ATP1A1: variants seen among roughly 807,000 people sequenced by gnomAD.
ATP1A1 encodes sodium/potassium-transporting ATPase subunit alpha-1.
In ATP1A1, 14 loss-of-function variants were observed where a neutral mutation model predicts 114.8. That is an observed-to-expected ratio of 0.12 (90% CI 0.08 to 0.19). ATP1A1 has a LOEUF of 0.19. ATP1A1 is among the 10% of genes least tolerant of loss of function. ATP1A1 has a pLI of 1.00. For synonymous variants in ATP1A1, 471 were observed against 466.3 expected, an observed-to-expected ratio of 1.01 and a Z score of -0.13; for missense variants, 524 against 1,290.7, an observed-to-expected ratio of 0.41 and a Z score of 9.10.
Position 116,389,078 on chromosome 1 carries a change from AT to A in ATP1A1, c.754+60del. Reference sequence around the variant, plus strand: ...GGTATTTCTCTTGGGCATTAACAAAATCAAAACCATAGGCACAATCTCTTGT... The same window carrying A: ...GGTATTTCTCTTGGGCATTAACAAAACAAAACCATAGGCACAATCTCTTGT... On this transcript the variant is annotated intron_variant, in intron 7 of 22. Coordinates refer to ENST00000295598, the MANE Select transcript of ATP1A1 (RefSeq NM_000701.8). This position sits in a 1 kb window ranked among gnomAD's most constrained non-coding sequence, Gnocchi z 6.9. The A allele has an allele frequency of 7.0e-7, 1 of 1,437,588 alleles. No individual in the cohort carries two copies. Among genetic ancestry groups the A allele is most frequent in the Non-Finnish European group, 9.8e-7 (1 of 1,024,706 alleles). 89.1% of individuals were successfully genotyped at this position (1,437,588 alleles called of 1,614,324 possible).
At chr1:116,392,645 A>T (rs1652558365) in intron 10 of ATP1A1, 1 of 486,584 alleles carries the variant, frequency 2.1e-6, no homozygotes, top group African/African-American at 2.0e-5. Flanking sequence ...GTGGGGAAGG[A>T]CGTTGGGGTT....
In ATP1A1 at chr1:116,390,224, A is replaced by C; in HGVS notation, c.1035A>C (p.Thr345=). ...CTAATATTTTTTAGGTCTGTCTGACACTTACTGCCAAACGCATGGCAAGGA... is the reference window on the plus strand; with the variant it reads ...CTAATATTTTTTAGGTCTGTCTGACCCTTACTGCCAAACGCATGGCAAGGA... ...GLLATVTVCL[T]LTAKRMARKN... The change falls in exon 9 of 23, where the codon ACA becomes ACC. Residue 345 remains threonine (T), a synonymous_variant. Coordinates refer to ENST00000295598, the MANE Select transcript of ATP1A1 (RefSeq NM_000701.8). 6.2e-7 allele frequency: 1 copy of C among 1,614,166 alleles called. No individual in the cohort carries two copies. The highest frequency in any genetic ancestry group is 8.5e-7 in the Non-Finnish European group (1 of 1,180,028).
At position 116,384,730 on chromosome 1, in the gene ATP1A1, A is replaced by AT. The variant is rs1491180344; in HGVS notation, c.124-46dup. On this transcript the variant is annotated intron_variant, in intron 2 of 22. Coordinates refer to ENST00000295598, the MANE Select transcript of ATP1A1 (RefSeq NM_000701.8). The surrounding 1 kb of genome is among the most constrained non-coding windows in gnomAD (Gnocchi z 5.1). Reference sequence around the variant, plus strand: ...AATGAATAATGCTATTTTTTCTGTCATTTTTTTATACTACACTGTTTAACT... The same window carrying AT: ...AATGAATAATGCTATTTTTTCTGTCATTTTTTTTATACTACACTGTTTAACT... 4 of 1,477,014 alleles carry AT rather than the reference A, an allele frequency of 2.7e-6. No homozygotes were observed. Among genetic ancestry groups the AT allele is most frequent in the Non-Finnish European group, 3.7e-6 (4 of 1,082,598 alleles). 91.5% of individuals were successfully genotyped at this position (1,477,014 alleles called of 1,614,324 possible). A position where few individuals can be genotyped will look rare whatever the true frequency, so the allele number is the denominator to read the frequency against.
In ATP1A1 at chr1:116,401,246, C is replaced by T. The variant is rs1188241763; in HGVS notation, c.2835C>T (p.Phe945=). ...GTAAGACCAGGAGGAATTCGGTCTT[C>T]CAGCAGGGGATGAAGTAAGTAATGA... ...VICKTRRNSV[F]QQGMKNKILI... The change falls in exon 20 of 23, where the codon TTC becomes TTT. Residue 945 remains phenylalanine, a synonymous_variant. Coordinates refer to ENST00000295598, the MANE Select transcript of ATP1A1 (RefSeq NM_000701.8). The surrounding 1 kb of genome is among the most constrained non-coding windows in gnomAD (Gnocchi z 4.7). 1.2e-6 allele frequency: 2 copies of T among 1,614,048 alleles called. No homozygotes were observed. The highest frequency in any genetic ancestry group is 1.7e-6 in the Non-Finnish European group (2 of 1,180,030).
chr1:116,399,628 A>G lies in ATP1A1; in HGVS notation c.2572+85A>G. 1 of 1,571,946 alleles carries G rather than the reference A, an allele frequency of 6.4e-7. No homozygotes were observed. Among genetic ancestry groups the G allele is most frequent in the Non-Finnish European group, 8.6e-7 (1 of 1,156,136 alleles). On this transcript the variant is annotated intron_variant, in intron 18 of 22. Transcript: ENST00000295598. The surrounding 1 kb of genome is among the most constrained non-coding windows in gnomAD (Gnocchi z 5.0). Reference sequence around the variant, plus strand: ...CACCTCAGGTTGAGGTTGATTTCAGAGACTGCAAATCCAGGCGACTTTCAG... The same window carrying G: ...CACCTCAGGTTGAGGTTGATTTCAGGGACTGCAAATCCAGGCGACTTTCAG...
chr1:116,374,223 C>T lies in ATP1A1; in HGVS notation c.12+700C>T, dbSNP rs1175524532. ...TGCCAGAAAGGGTGTGTCTTCACTG[C>T]CCTAAGATGGCCTTTAAGGTATACT... On this transcript the variant is annotated intron_variant, in intron 1 of 22. Coordinates refer to ENST00000295598, the MANE Select transcript of ATP1A1 (RefSeq NM_000701.8). The T allele has an allele frequency of 1.0e-5, 16 of 1,551,412 alleles. No homozygotes were observed. The South Asian group carries it at 1.7e-4, about 16-fold the overall frequency.
intron 1 of ATP1A1, among the ~76,000 whole-genome samples, 190 bp downstream of exon 1, chr1:116,373,713 G>C (rs992994819): frequency 4.0e-5 from 6 of 150,808 alleles, no homozygotes; most frequent in African/African-American, 1.2e-4. Flanking sequence ...GTAACGGGGG[G>C]CGGGGGAAGG....
chr1:116,388,094 T>G lies in ATP1A1; in HGVS notation c.388-37T>G. 7.2e-7 allele frequency: 1 copy of G among 1,390,666 alleles called. No homozygotes were observed. Among genetic ancestry groups the G allele is most frequent in the Non-Finnish European group, 1.0e-6 (1 of 987,192 alleles). The allele number at this position is 1,390,666 out of a possible 1,614,324, so 86.1% of individuals were successfully genotyped here. A position where few individuals can be genotyped will look rare whatever the true frequency, so the allele number is the denominator to read the frequency against. On this transcript the variant is annotated intron_variant, in intron 4 of 22. Transcript: ENST00000295598. The surrounding 1 kb of genome is among the most constrained non-coding windows in gnomAD (Gnocchi z 5.6). ...TAATTGAATGTCCCTAATTATTGTG[T>G]AGAGCCACGGGCCCTAACTTGTCTT...
intron 8 of ATP1A1, 199 bp from the exon 9 acceptor site, chr1:116,390,014 T>A (rs1652340637): frequency 1.5e-6 from 1 of 675,230 alleles, no homozygotes; most frequent in Non-Finnish European, 2.5e-6. Context: ...ATCCTGTTAT[T>A]ATTTTTCTTA....
chr1:116,390,649 T>G, intron 9 of ATP1A1, 133 bp from the exon 10 acceptor site: 1 of 894,198 alleles, frequency 1.1e-6, no homozygotes, highest in Non-Finnish European at 1.8e-6. Flanking sequence ...ATGCCTAAAA[T>G]GTGATTGGTT....
At position 116,401,507 on chromosome 1, in the gene ATP1A1, C is replaced by A; in HGVS notation, c.2850-47C>A. ...TTAATGCATAGCATTAGAAGATAAA[C>A]CTTTATTTGCACCTTTTAAGTTTTT... On this transcript the variant is annotated intron_variant, in intron 20 of 22. Coordinates refer to ENST00000295598, the MANE Select transcript of ATP1A1 (RefSeq NM_000701.8). This position sits in a 1 kb window ranked among gnomAD's most constrained non-coding sequence, Gnocchi z 4.7. 6.3e-7 allele frequency: 1 copy of A among 1,581,488 alleles called. No individual in the cohort carries two copies. Among genetic ancestry groups the A allele is most frequent in the Non-Finnish European group, 8.7e-7 (1 of 1,151,042 alleles).
chr1:116,399,111 A>G lies in ATP1A1; in HGVS notation c.2448+27A>G. The G allele has an allele frequency of 6.2e-7, 1 of 1,613,854 alleles. No homozygotes were observed. The highest frequency in any genetic ancestry group is 8.5e-7 in the Non-Finnish European group (1 of 1,179,830). On this transcript the variant is annotated intron_variant, in intron 17 of 22. Transcript: ENST00000295598. The surrounding 1 kb of genome is among the most constrained non-coding windows in gnomAD (Gnocchi z 5.0). ...TGAGTGTCACAACAGTCACAGATCG[A>G]TAGTAGTGAGGTGTGAGCTGTGTCT...
In ATP1A1 at chr1:116,397,931, A is replaced by T; in HGVS notation, c.2017A>T (p.Met673Leu). ...AGTACACGGCAGTGATCTAAAGGACATGACCTCCGAGCAGCTGGATGACAT... is the reference window on the plus strand; with the variant it reads ...AGTACACGGCAGTGATCTAAAGGACTTGACCTCCGAGCAGCTGGATGACAT... ...CVVHGSDLKD[M>L]TSEQLDDILK... Residue 673 changes from methionine (M) to leucine (L), a missense_variant, in exon 15 of 23, where the codon ATG becomes TTG. Physicochemically the swap from Met to Leu is conservative, Grantham distance 15. Coordinates refer to ENST00000295598, the MANE Select transcript of ATP1A1 (RefSeq NM_000701.8). The surrounding 1 kb of genome is among the most constrained non-coding windows in gnomAD (Gnocchi z 4.2). 2 of 1,613,590 alleles carry T rather than the reference A, an allele frequency of 1.2e-6. No homozygotes were observed. Among genetic ancestry groups the T allele is most frequent in the Non-Finnish European group, 8.5e-7 (1 of 1,179,960 alleles).
chr1:116,400,565 C>T (rs888506036), intron 18 of ATP1A1, among the ~76,000 whole-genome samples: 2 of 152,184 alleles, frequency 1.3e-5, no homozygotes, highest in Non-Finnish European at 2.9e-5. Context: ...CCCTTAGAAG[C>T]AGCTGGTCAA....
chr1:116,378,131 T>C (rs1006786604), intron 1 of ATP1A1, among the ~76,000 whole-genome samples: 2 of 152,222 alleles, frequency 1.3e-5, no homozygotes, highest in Non-Finnish European at 2.9e-5. Context: ...AAGTTCTTCA[T>C]ATTTATTTTG....
rs1444588236 is a variant in ATP1A1, at chr1:116,390,811, T to C, written c.1252T>C (p.Trp418Arg). 1 of 1,614,212 alleles carries C rather than the reference T, an allele frequency of 6.2e-7. No homozygotes were observed. ...CTCTTTTGACAAGACTTCAGCTACC[T>C]GGCTTGCTCTGTCCAGAATTGCAGG... is the stretch of plus-strand genomic sequence containing the variant. ...GVSFDKTSAT[W>R]LALSRIAGLC... The change falls in exon 10 of 23, where the codon TGG becomes CGG. Residue 418 changes from tryptophan to arginine, a missense_variant. Physicochemically the swap from Trp to Arg is moderately radical, Grantham distance 101. Around this residue, in one of 8 missense-constraint regions of ATP1A1, gnomAD observed 143 missense variants for 259.3 expected, o/e 0.55. Transcript: ENST00000295598.
chr1:116,381,269 C>A lies in ATP1A1; in HGVS notation c.13-2745C>A, dbSNP rs1414568697. Reference sequence around the variant, plus strand: ...TTAAAAAATAATAAGGAAACATTGTCCTACCTGATTCTACCACTGTTCATC... The same window carrying A: ...TTAAAAAATAATAAGGAAACATTGTACTACCTGATTCTACCACTGTTCATC... On this transcript the variant is annotated intron_variant, in intron 1 of 22. Transcript: ENST00000295598. The surrounding 1 kb of genome is among the most constrained non-coding windows in gnomAD (Gnocchi z 5.1). Among the ~76,000 whole-genome samples, 1 of 152,184 alleles carries A rather than the reference C, an allele frequency of 6.6e-6. No individual in the cohort carries two copies. The highest frequency in any genetic ancestry group is 1.5e-5 in the Non-Finnish European group (1 of 68,030).
intron 1 of ATP1A1, chr1:116,382,667 GA>G (rs1279583129): frequency 2.0e-5 from 3 of 151,676 alleles, no homozygotes; most frequent in Non-Finnish European, 4.4e-5. Context: ...GTCTTAAGAG[GA>G]TATTTTTAAA....
chr1:116,392,738 A>ATCC, intron 10 of ATP1A1, 116 bp from the exon 11 acceptor site: 42 of 1,298,098 alleles, frequency 3.2e-5, no homozygotes, highest in Non-Finnish European at 4.3e-5. Context: ...CTTCTTGCCC[A>ATCC]TCCTCTGCTA....
Sources: allele counts gnomAD v4.1 joint callset (sites outside exome capture counted in the v4.1 genomes callset), GRCh38; gene constraint gnomAD v4.1.1; regional missense constraint gnomAD v4.1.1; non-coding constraint Gnocchi (gnomAD v3.1); transcripts MANE v1.5; gene names NCBI Gene and HGNC (gene_info 2026-07-23, HGNC 2026-07-21).